DPP10: variants seen among roughly 807,000 people sequenced by gnomAD.
DPP10 encodes the protein dipeptidyl peptidase like 10.
In DPP10, 33 loss-of-function variants were observed where a neutral mutation model predicts 120.9. The ratio of observed to expected loss-of-function variants is 0.27; its 90% CI spans 0.21 to 0.37. The LOEUF (loss-of-function observed/expected upper bound fraction) is 0.37. Among genes scored for constraint, DPP10 ranks in the 10% least tolerant of loss-of-function variants. The pLI, the probability that DPP10 is intolerant of heterozygous loss-of-function variation, is 1.00. For missense variants in DPP10, 816 were observed against 942.8 expected, an observed-to-expected ratio of 0.87 and a Z score of 1.76; for synonymous variants, 337 against 326.1, an observed-to-expected ratio of 1.03 and a Z score of -0.36.
intron 1 of DPP10, among the ~76,000 whole-genome samples, chr2:114,611,750 A>G (rs1199579050): frequency 6.6e-6 from 1 of 152,220 alleles, no homozygotes; most frequent in African/African-American, 2.4e-5. Flanking sequence ...TTAATAAATC[A>G]CCCAAGATAT....
chr2:114,988,752 C>G (rs1031241917), intron 1 of DPP10, among the ~76,000 whole-genome samples: 1 of 152,136 alleles, frequency 6.6e-6, no homozygotes, highest in African/African-American at 2.4e-5. Flanking sequence ...ACCTCTTAAT[C>G]GTTAAATTAT....
At chr2:114,571,672 A>G (rs1173793596) in intron 1 of DPP10, among the ~76,000 whole-genome samples, 1 of 152,004 alleles carries the variant, frequency 6.6e-6, no homozygotes, top group African/African-American at 2.4e-5. Flanking sequence ...AATTCTGACA[A>G]TTAATTGAAT....
intron 5 of DPP10, among the ~76,000 whole-genome samples, chr2:115,562,364 A>G (rs1370697561): frequency 6.6e-6 from 1 of 152,100 alleles, no homozygotes; most frequent in East Asian, 1.9e-4. Context: ...CTTGTCTCCA[A>G]TATATTTTCC....
At chr2:114,661,408 C>T (rs1697394074) in intron 1 of DPP10, among the ~76,000 whole-genome samples, 1 of 152,152 alleles carries the variant, frequency 6.6e-6, no homozygotes, top group Non-Finnish European at 1.5e-5. Context: ...GATTGGGGCA[C>T]ATGTGTTAAT....
intron 2 of DPP10, among the ~76,000 whole-genome samples, chr2:115,332,867 G>A (rs530120371): frequency 4.6e-5 from 7 of 152,078 alleles, no homozygotes; most frequent in South Asian, 4.2e-4. Context: ...TTTTGGAATC[G>A]GTGTGGTGTG....
intron 1 of DPP10, among the ~76,000 whole-genome samples, chr2:115,115,925 CA>C (rs993047334): frequency 2.0e-5 from 3 of 151,898 alleles, no homozygotes; most frequent in African/African-American, 4.8e-5. Context: ...GTATATTATC[CA>C]AAAAAAGCAG....
intron 2 of DPP10, among the ~76,000 whole-genome samples, chr2:115,335,810 T>C (rs542620580): frequency 4.1e-4 from 62 of 152,026 alleles, no homozygotes; most frequent in Admixed American, 4.1e-3. Flanking sequence ...CCATGGAAAA[T>C]GAAGAATACG....
chr2:115,050,810 C>T (rs1705421289), intron 1 of DPP10, among the ~76,000 whole-genome samples: 1 of 152,200 alleles, frequency 6.6e-6, no homozygotes, highest in Non-Finnish European at 1.5e-5. Context: ...GTTTAACACA[C>T]AGAAGCCCAT....
intron 19 of DPP10, among the ~76,000 whole-genome samples, chr2:115,803,178 T>A (rs1685477592): frequency 6.6e-6 from 1 of 152,204 alleles, no homozygotes; most frequent in African/African-American, 2.4e-5. Flanking sequence ...CCCTTTACTA[T>A]TATGTAATTT....
Position 114,978,508 on chromosome 2 carries a change from A to G in DPP10, c.61-330731A>G, listed in dbSNP as rs1209995883. ...GTGCAATATACTTGTCTATAACAACATAGGGATTCTCAAGAATCTCAGGAC... is the reference window on the plus strand; with the variant it reads ...GTGCAATATACTTGTCTATAACAACGTAGGGATTCTCAAGAATCTCAGGAC... On this transcript the variant is annotated intron_variant, in intron 1 of 25. Transcript: ENST00000410059. Among the ~76,000 whole-genome samples the G allele has an allele frequency of 4.6e-5, 7 of 152,170 alleles. No homozygotes were observed. In the East Asian group the frequency reaches 1.4e-3, roughly 29 times the overall value.
intron 1 of DPP10, among the ~76,000 whole-genome samples, chr2:115,201,456 C>G (rs2055713578): frequency 6.6e-6 from 1 of 152,150 alleles, no homozygotes; most frequent in African/African-American, 2.4e-5. Flanking sequence ...GAGTGAGACT[C>G]TGTCTCAAAA....
Position 115,018,976 on chromosome 2 carries a change from G to A in DPP10, c.61-290263G>A, listed in dbSNP as rs564404395. 1.3e-4 allele frequency among the ~76,000 whole-genome samples: 19 copies of A among 151,872 alleles called. No homozygotes were observed. The East Asian group carries it at 3.1e-3, about 25-fold the overall frequency. On this transcript the variant is annotated intron_variant, in intron 1 of 25. Transcript: ENST00000410059. ...TCTAGTTACCATCACTCCCGGGGAGGAGCCACAGCTGCTGCAGCAGGACCC... is the reference window on the plus strand; with the variant it reads ...TCTAGTTACCATCACTCCCGGGGAGAAGCCACAGCTGCTGCAGCAGGACCC...
intron 3 of DPP10, among the ~76,000 whole-genome samples, chr2:115,465,656 C>G (rs534434498): frequency 1.3e-5 from 2 of 152,186 alleles, no homozygotes; most frequent in South Asian, 4.1e-4. Flanking sequence ...AACCCTGGCT[C>G]TACTAAAAAT....
At chr2:114,765,319 A>G (rs1283409368) in intron 1 of DPP10, among the ~76,000 whole-genome samples, 1 of 152,166 alleles carries the variant, frequency 6.6e-6, no homozygotes, top group East Asian at 1.9e-4. Context: ...CAATTTTTTG[A>G]TGGGAAATTT....
chr2:114,755,705 G>T (rs1679667246), intron 1 of DPP10, among the ~76,000 whole-genome samples: 2 of 152,166 alleles, frequency 1.3e-5, no homozygotes, highest in African/African-American at 4.8e-5. Flanking sequence ...CCAACTTTCA[G>T]ACTTAGAGCA....
At chr2:115,417,357 C>T (rs2069524354) in intron 3 of DPP10, among the ~76,000 whole-genome samples, 1 of 151,978 alleles carries the variant, frequency 6.6e-6, no homozygotes. Flanking sequence ...GATATTGTTA[C>T]TGGAGGGATG....
chr2:114,536,429 G>C (rs193095318), intron 1 of DPP10, among the ~76,000 whole-genome samples: 1 of 115,814 alleles, frequency 8.6e-6, no homozygotes. Flanking sequence ...TTTTTGAGAC[G>C]TAGTCTCGCT....
At chr2:115,165,772 T>G (rs1573859021) in intron 1 of DPP10, among the ~76,000 whole-genome samples, 1 of 152,308 alleles carries the variant, frequency 6.6e-6, no homozygotes, top group African/African-American at 2.4e-5. Context: ...AGCGTGGCTG[T>G]TCTCTCAGCT....
At chr2:115,603,560 G>GTTTTTTTTTTTTGTTTTTT (rs10637786) in intron 5 of DPP10, among the ~76,000 whole-genome samples, 1 of 126,428 alleles carries the variant, frequency 7.9e-6, no homozygotes, top group Non-Finnish European at 1.6e-5. Context: ...CGTTGTTGTT[G>GTTTTTTTTTTTTGTTTTTT]TTTTTTTTTG....
Sources: gnomAD v4.1 joint callset for allele counts (sites outside exome capture counted in the v4.1 genomes callset) on GRCh38, gnomAD v4.1.1 for gene constraint, MANE v1.5 for transcripts, NCBI Gene and HGNC (gene_info 2026-07-23, HGNC 2026-07-21) for gene names.